PCDH15: variants seen among roughly 807,000 people sequenced by gnomAD.
PCDH15 encodes the protein protocadherin-15.
In PCDH15, 129 loss-of-function variants were observed where a neutral mutation model predicts 178.5. The ratio of observed to expected loss-of-function variants is 0.72; its 90% CI spans 0.63 to 0.84. PCDH15 has a LOEUF of 0.84. Ranked by LOEUF, PCDH15 falls within the 40% of genes least tolerant of loss-of-function variation. The pLI is 0.00. For missense variants in PCDH15, 2,230 were observed against 2,099.9 expected (o/e 1.06, Z -1.21); for synonymous variants, 800 against 732.0 (o/e 1.09, Z -1.50).
chr10:54,595,147 G>A (rs2092152724), intron 2 of PCDH15, among the ~76,000 whole-genome samples: 1 of 152,196 alleles, frequency 6.6e-6, no homozygotes. Context: ...ACATGCAAAT[G>A]TGGACACATC....
chr10:55,378,877 A>ATCTCTCTCTCTCTCTCTC (rs67020951), intron 2 of PCDH15, among the ~76,000 whole-genome samples: 8 of 124,098 alleles, frequency 6.4e-5, no homozygotes, highest in African/African-American at 2.3e-4. Flanking sequence ...AACTCTCCCC[A>ATCTCTCTCTCTCTCTCTC]TCTCTCTCTC....
At chr10:55,336,882 C>A (rs1000081020) in intron 2 of PCDH15, among the ~76,000 whole-genome samples, 1 of 152,076 alleles carries the variant, frequency 6.6e-6, no homozygotes, top group Non-Finnish European at 1.5e-5. Context: ...TTTTGTTATA[C>A]GGGAGTCTCA....
At chr10:54,502,953 C>T (rs1185262737) in intron 3 of PCDH15, among the ~76,000 whole-genome samples, 2 of 151,812 alleles carry the variant, frequency 1.3e-5, no homozygotes, top group Non-Finnish European at 2.9e-5. Flanking sequence ...TTTTTTATTA[C>T]TAATGATTTT....
At chr10:53,927,149 AGTGTGTGT>A (rs59045951) in intron 25 of PCDH15, among the ~76,000 whole-genome samples, 5 of 149,690 alleles carry the variant, frequency 3.3e-5, no homozygotes, top group Admixed American at 6.7e-5. Flanking sequence ...TGTAAATGCA[AGTGTGTGT>A]GTGTGTGTGT....
intron 14 of PCDH15, among the ~76,000 whole-genome samples, chr10:54,149,632 C>A (rs530688601): frequency 5.9e-5 from 9 of 152,144 alleles, no homozygotes; most frequent in African/African-American, 2.2e-4. Flanking sequence ...TTTCACTGAG[C>A]CCTTTTGAAT....
chr10:55,620,711 T>A (rs1165088345), intron 2 of PCDH15, among the ~76,000 whole-genome samples: 1 of 151,682 alleles, frequency 6.6e-6, no homozygotes, highest in Non-Finnish European at 1.5e-5. Flanking sequence ...GTACTAGGTT[T>A]TCAAGTATAT....
intron 2 of PCDH15, among the ~76,000 whole-genome samples, chr10:54,982,613 A>AT (rs1839266318): frequency 6.6e-6 from 1 of 152,180 alleles, no homozygotes; most frequent in Admixed American, 6.6e-5. Context: ...ATGAGATGCT[A>AT]AAGGATAATG....
Position 54,053,468 on chromosome 10 carries a change from C to T in PCDH15, c.2220+13289G>A, listed in dbSNP as rs577042535. Among the ~76,000 whole-genome samples the T allele has an allele frequency of 2.0e-5, 3 of 152,280 alleles. No individual in the cohort carries two copies. The South Asian group carries it at 6.2e-4, about 32-fold the overall frequency. ...GATAAATAGACAACATAAATATACT[C>T]TAGCAATTACTATCAAAATTTGTAC... On this transcript the variant is annotated intron_variant, in intron 18 of 37. Coordinates refer to ENST00000644397, the MANE Select transcript of PCDH15 (RefSeq NM_001384140.1).
At chr10:55,529,940 C>T (rs2132062287) in intron 2 of PCDH15, among the ~76,000 whole-genome samples, 1 of 150,756 alleles carries the variant, frequency 6.6e-6, no homozygotes, top group East Asian at 2.0e-4. Flanking sequence ...ATGAGTGAAT[C>T]AACTCTAAAA....
chr10:54,253,823 G>A (rs578075134), intron 8 of PCDH15, among the ~76,000 whole-genome samples: 26 of 151,878 alleles, frequency 1.7e-4, no homozygotes, highest in Non-Finnish European at 2.2e-4. Flanking sequence ...GTCTTTTAAC[G>A]TAGATTTTAG....
chr10:55,168,593 C>T (rs1235798110), intron 1 of PCDH15, among the ~76,000 whole-genome samples: 2 of 152,108 alleles, frequency 1.3e-5, no homozygotes, highest in Admixed American at 6.6e-5. Flanking sequence ...TTGCACTGTG[C>T]TTTGTGTCGA....
intron 2 of PCDH15, among the ~76,000 whole-genome samples, chr10:55,023,254 T>G (rs557413095): frequency 4.6e-5 from 7 of 152,190 alleles, no homozygotes; most frequent in Non-Finnish European, 1.0e-4. Flanking sequence ...TTGCTTACAG[T>G]GACAGTTGAT....
chr10:54,779,533 C>CACACATATATGTGTGT (rs1555192948), intron 1 of PCDH15, among the ~76,000 whole-genome samples: 32 of 28,038 alleles, frequency 1.1e-3, no homozygotes, highest in Middle Eastern at 0.024. Context: ...TATACACACA[C>CACACATATATGTGTGT]ATATATATAG....
At chr10:54,785,280 T>C (rs1950751635) in intron 1 of PCDH15, among the ~76,000 whole-genome samples, 1 of 152,028 alleles carries the variant, frequency 6.6e-6, no homozygotes, top group African/African-American at 2.4e-5. Flanking sequence ...GCCTCAACAT[T>C]TTTTTCTCTT....
intron 3 of PCDH15, among the ~76,000 whole-genome samples, chr10:54,846,882 G>C (rs954961538): frequency 6.6e-6 from 1 of 152,040 alleles, no homozygotes; most frequent in Non-Finnish European, 1.5e-5. Context: ...GAATAGATGC[G>C]GATGTTACAC....
chr10:55,272,167 G>A (rs1305688430), intron 1 of PCDH15, among the ~76,000 whole-genome samples: 1 of 151,638 alleles, frequency 6.6e-6, no homozygotes, highest in Admixed American at 6.6e-5. Context: ...CCAATTAGAG[G>A]ACTAAATGAA....
At chr10:55,063,113 T>C (rs552140479) in intron 2 of PCDH15, among the ~76,000 whole-genome samples, 5 of 152,114 alleles carry the variant, frequency 3.3e-5, no homozygotes, top group Non-Finnish European at 7.4e-5. Flanking sequence ...CCACTCAAAC[T>C]TGTGTTGTGT....
chr10:54,797,507 A>AACACACACAC lies in PCDH15; in HGVS notation c.-29+3408_-29+3417dup, dbSNP rs71014418. ...ATTATTTTGTTGCTGTTATTGTTGA[A>AACACACACAC]ACACACACACACACACACACACACA... is the stretch of plus-strand genomic sequence containing the variant. On this transcript the variant is annotated intron_variant, in intron 1 of 37. Coordinates refer to ENST00000644397, the MANE Select transcript of PCDH15 (RefSeq NM_001384140.1). 4.5e-4 allele frequency among the ~76,000 whole-genome samples: 65 copies of AACACACACAC among 145,282 alleles called. 1 individual carries two copies. The highest frequency in any genetic ancestry group is 2.7e-3 in the South Asian group (12 of 4,448).
At chr10:54,737,555 A>G (rs1435526677) in intron 1 of PCDH15, among the ~76,000 whole-genome samples, 1 of 152,068 alleles carries the variant, frequency 6.6e-6, no homozygotes, top group East Asian at 1.9e-4. Context: ...AATTATACAA[A>G]TACTTTGCTG....
Sources: gnomAD v4.1 joint callset for allele counts (sites outside exome capture counted in the v4.1 genomes callset) on GRCh38, gnomAD v4.1.1 for gene constraint, MANE v1.5 for transcripts, NCBI Gene and HGNC (gene_info 2026-07-23, HGNC 2026-07-21) for gene names.